The following HTR3B variants were observed in gnomAD, a reference collection of about 807,000 sequenced individuals.
The protein encoded by HTR3B is 5-hydroxytryptamine receptor 3B.
A neutral mutation model predicts 42.8 loss-of-function variants in HTR3B; 44 were observed. That is an observed-to-expected ratio of 1.03 (90% CI 0.81 to 1.32). The LOEUF is 1.32. Ranked by LOEUF, HTR3B falls within the 40% of genes most tolerant of loss-of-function variation. The pLI is 0.00. For missense variants in HTR3B, 527 were observed against 536.5 expected (o/e 0.98, Z 0.17); for synonymous variants, 203 against 209.0 (o/e 0.97, Z 0.25).
At chr11:113,941,534 G>A (rs747728713) in intron 6 of HTR3B, among the ~76,000 whole-genome samples, 14 of 152,212 alleles carry the variant, frequency 9.2e-5, no homozygotes, top group South Asian at 2.1e-4. Context: ...GCACAGTGCA[G>A]GCCAGCAGGA....
intron 1 of HTR3B, 52 bp from the exon 2 acceptor site, chr11:113,909,243 A>G (rs1949758955): frequency 6.7e-7 from 1 of 1,482,464 alleles, no homozygotes; most frequent in Admixed American, 1.7e-5. Context: ...AACCTCCTAA[A>G]GAAACCAAGC....
At chr11:113,936,587 G>A (rs1188729862) in intron 6 of HTR3B, among the ~76,000 whole-genome samples, 2 of 152,050 alleles carry the variant, frequency 1.3e-5, no homozygotes, top group Non-Finnish European at 2.9e-5. Flanking sequence ...TTAGAGCCCT[G>A]GATATCCTTT....
In HTR3B at chr11:113,944,697, G is replaced by A. The variant is rs1444635786; in HGVS notation, c.1032G>A (p.Gly344=). 6.8e-6 allele frequency: 11 copies of A among 1,613,978 alleles called. No homozygotes were observed. Among genetic ancestry groups the A allele is most frequent in the Non-Finnish European group, 9.3e-6 (11 of 1,180,030 alleles). Residue 344 remains glycine, a synonymous_variant, in exon 8 of 9, where the codon GGG becomes GGA. Coordinates refer to ENST00000260191, the MANE Select transcript of HTR3B (RefSeq NM_006028.5). The part of the protein sequence containing the change: ...GQEQPFLCLR[G]DTDADRPRVE... ...AGCAGCCCTTCTTGTGCCTTCGAGG[G>A]GACACCGATGCTGACAGGCCTAGAG...
chr11:113,930,602 C>T (rs1301046260), intron 2 of HTR3B, among the ~76,000 whole-genome samples: 1 of 151,408 alleles, frequency 6.6e-6, no homozygotes, highest in Non-Finnish European at 1.5e-5. Context: ...AATCCTTCCA[C>T]CTCAGCCTTC....
At chr11:113,902,483 G>A (rs1002184313), upstream of HTR3B, among the ~76,000 whole-genome samples, 5 of 152,030 alleles carry the variant, frequency 3.3e-5, no homozygotes, top group Non-Finnish European at 5.9e-5. Context: ...TTTTAGTAGA[G>A]ACAGGGTTTC....
chr11:113,930,451 A>G (rs571000261), intron 2 of HTR3B, among the ~76,000 whole-genome samples: 1 of 151,556 alleles, frequency 6.6e-6, no homozygotes, highest in South Asian at 2.1e-4. Flanking sequence ...ATTAGATATG[A>G]AAAAAATTGG....
In HTR3B at chr11:113,946,201, G is replaced by A. The variant is rs1332569501; in HGVS notation, c.*64G>A. 15 of 1,313,938 alleles carry A rather than the reference G, an allele frequency of 1.1e-5. No homozygotes were observed. Among genetic ancestry groups the A allele is most frequent in the Admixed American group, 1.7e-5 (1 of 58,492 alleles). The allele number at this position is 1,313,938 out of a possible 1,614,324, so 81.4% of individuals were successfully genotyped here. ...GAGAGAGAGGAGGGGGAATAATAGT[G>A]GGTTAAAAAGCTTTCTGGGTCGGGT... On this transcript the variant is annotated 3_prime_UTR_variant, in exon 9 of 9. Transcript: ENST00000260191.
intron 6 of HTR3B, among the ~76,000 whole-genome samples, chr11:113,941,879 C>A (rs1186256753): frequency 6.6e-6 from 1 of 152,140 alleles, no homozygotes; most frequent in Non-Finnish European, 1.5e-5. Context: ...AACAGATCAC[C>A]CAGTCCCCGA....
At chr11:113,910,126 A>T (rs1003805033) in intron 2 of HTR3B, among the ~76,000 whole-genome samples, 1 of 151,978 alleles carries the variant, frequency 6.6e-6, no homozygotes, top group African/African-American at 2.4e-5. Context: ...TTAAGAAGAG[A>T]TTCACTACTT....
intron 2 of HTR3B, among the ~76,000 whole-genome samples, chr11:113,918,940 A>C (rs943319216): frequency 6.6e-6 from 1 of 152,140 alleles, no homozygotes; most frequent in African/African-American, 2.4e-5. Context: ...TACAGGTATG[A>C]GCCACAGTGA....
chr11:113,905,046 T>C, intron 1 of HTR3B, 61 bp downstream of exon 1: 1 of 1,192,122 alleles, frequency 8.4e-7, no homozygotes, highest in Non-Finnish European at 1.2e-6. Context: ...ATAGAGACAA[T>C]ATTTGTATAC....
At chr11:113,939,654 C>G (rs1214910311) in intron 6 of HTR3B, among the ~76,000 whole-genome samples, 1 of 152,176 alleles carries the variant, frequency 6.6e-6, no homozygotes, top group Non-Finnish European at 1.5e-5. Context: ...TCGTGTCAGC[C>G]TCTGGGTGGA....
intron 6 of HTR3B, among the ~76,000 whole-genome samples, chr11:113,936,563 A>AG (rs1950093995): frequency 1.3e-5 from 2 of 151,848 alleles, no homozygotes; most frequent in South Asian, 2.1e-4. Context: ...GAGAGAGAGA[A>AG]AGAGAGAGAG....
In HTR3B at chr11:113,925,142, CT is replaced by C. The variant is rs1305402684; in HGVS notation, c.214-6241del. 3.3e-5 allele frequency among the ~76,000 whole-genome samples: 5 copies of C among 152,312 alleles called. No homozygotes were observed. In the South Asian group the frequency reaches 6.2e-4, roughly 19 times the overall value. ...AATACCAGTGGTGCCTTCTGACCCC[CT>C]ATCCAACCTGAATTCTCCAGAGTAG... On this transcript the variant is annotated intron_variant, in intron 2 of 8. Coordinates refer to ENST00000260191, the MANE Select transcript of HTR3B (RefSeq NM_006028.5).
chr11:113,936,563 A>AGAG (rs1950093995), intron 6 of HTR3B, among the ~76,000 whole-genome samples: 1 of 151,850 alleles, frequency 6.6e-6, no homozygotes, highest in Non-Finnish European at 1.5e-5. Flanking sequence ...GAGAGAGAGA[A>AGAG]AGAGAGAGAG....
At chr11:113,914,687 T>C (rs995584573) in intron 2 of HTR3B, among the ~76,000 whole-genome samples, 2 of 151,922 alleles carry the variant, frequency 1.3e-5, no homozygotes, top group Admixed American at 6.6e-5. Flanking sequence ...TAATATATAT[T>C]ACACGTTTGT....
intron 2 of HTR3B, among the ~76,000 whole-genome samples, chr11:113,923,522 G>A (rs543368216): frequency 4.6e-5 from 7 of 152,306 alleles, no homozygotes; most frequent in Non-Finnish European, 8.8e-5. Flanking sequence ...CCAGCCAGAC[G>A]TTGAGGCATC....
chr11:113,925,327 A>G (rs1949958746), intron 2 of HTR3B, among the ~76,000 whole-genome samples: 1 of 150,482 alleles, frequency 6.6e-6, no homozygotes. Flanking sequence ...GAAATTTGGT[A>G]TTGTACTAAA....
At chr11:113,932,824 G>C in intron 5 of HTR3B, 112 bp from the exon 6 acceptor site, 1 of 1,038,274 alleles carries the variant, frequency 9.6e-7, no homozygotes. Context: ...CAAGGAGACT[G>C]TGCCTATGGG....
Sources: gnomAD v4.1 joint callset for allele counts (sites outside exome capture counted in the v4.1 genomes callset) on GRCh38, gnomAD v4.1.1 for gene constraint, MANE v1.5 for transcripts, NCBI Gene and HGNC (gene_info 2026-07-23, HGNC 2026-07-21) for gene names.